POLR3GL: variants seen among roughly 807,000 people sequenced by gnomAD.
POLR3GL encodes DNA-directed RNA polymerase III subunit RPC7-like.
A neutral mutation model predicts 32.4 loss-of-function variants in POLR3GL; 26 were observed. The observed-to-expected ratio is 0.80, with a 90% confidence interval of 0.59 to 1.11. The LOEUF (loss-of-function observed/expected upper bound fraction) is 1.11. Ranked by LOEUF, POLR3GL falls within the 50% of genes most tolerant of loss-of-function variation. The pLI is 0.00. For missense variants in POLR3GL, 229 were observed against 280.1 expected, an observed-to-expected ratio of 0.82 and a Z score of 1.30; for synonymous variants, 95 against 98.7, an observed-to-expected ratio of 0.96 and a Z score of 0.22.
intron 1 of POLR3GL, among the ~76,000 whole-genome samples, chr1:145,966,964 A>G (rs191782641): frequency 1.1e-3 from 166 of 152,214 alleles, no homozygotes; most frequent in African/African-American, 3.5e-3. Context: ...TCTTTGGAAT[A>G]TATTTTTAAA....
At chr1:145,972,320 C>T (rs1266332112) in intron 1 of POLR3GL, among the ~76,000 whole-genome samples, 1 of 149,616 alleles carries the variant, frequency 6.7e-6, no homozygotes, top group Non-Finnish European at 1.5e-5. Flanking sequence ...GTGGAGGTTG[C>T]AGCGAGCCGA....
intron 1 of POLR3GL, 100 bp from the exon 2 acceptor site, chr1:145,974,724 CT>C: frequency 1.2e-6 from 1 of 814,934 alleles, no homozygotes. Flanking sequence ...ATGACATTAA[CT>C]TTTCATGTCC....
chr1:145,970,875 C>CAAAAAAA (rs35524546), intron 1 of POLR3GL, among the ~76,000 whole-genome samples: 4 of 13,202 alleles, frequency 3.0e-4, no homozygotes, highest in African/African-American at 8.7e-4. Flanking sequence ...AACTCCATCT[C>CAAAAAAA]AAAAAAAAAA....
At chr1:145,971,415 G>T (rs1347082503) in intron 1 of POLR3GL, among the ~76,000 whole-genome samples, 1 of 152,100 alleles carries the variant, frequency 6.6e-6, no homozygotes, top group South Asian at 2.1e-4. Context: ...TACTGTTTTT[G>T]ATGACTGACA....
chr1:145,975,130 C>T (rs1209133173), intron 2 of POLR3GL, 139 bp downstream of exon 2: 5 of 1,320,358 alleles, frequency 3.8e-6, no homozygotes, highest in Admixed American at 5.4e-5. Context: ...GGATGTTTTG[C>T]AGGCAAAGAA....
intron 1 of POLR3GL, among the ~76,000 whole-genome samples, chr1:145,972,012 A>ATATATATATG (rs782186587): frequency 1.8e-5 from 2 of 112,606 alleles, no homozygotes; most frequent in African/African-American, 8.2e-5. Flanking sequence ...ATATATATAT[A>ATATATATATG]CGTGTGTGTG....
chr1:145,968,588 T>G (rs1650140417), intron 1 of POLR3GL, among the ~76,000 whole-genome samples: 1 of 151,974 alleles, frequency 6.6e-6, no homozygotes, highest in Non-Finnish European at 1.5e-5. Flanking sequence ...TTTTTTTTTT[T>G]TGAGACAGAG....
rs372610003 is a variant in POLR3GL, at chr1:145,975,340, G to A, written c.160G>A (p.Gly54Ser). Residue 54 changes from glycine to serine, a missense_variant, in exon 3 of 8, where the codon GGC (glycine) becomes AGC (serine). Coordinates refer to ENST00000369314, the MANE Select transcript of POLR3GL (RefSeq NM_032305.3). The stretch of plus-strand genomic sequence containing the variant: ...GTTCCGCCCAGTACCTTTGCCCTCA[G>A]GCGAGGAAGGGGAATATGTCCTGGC... ...LEFRPVPLPS[G>S]EEGEYVLALK... The A allele has an allele frequency of 1.2e-6, 2 of 1,614,182 alleles. No individual in the cohort carries two copies. The highest frequency in any genetic ancestry group is 1.1e-5 in the South Asian group (1 of 91,082).
At chr1:145,975,194 T>A in intron 2 of POLR3GL, 113 bp from the exon 3 acceptor site, 1 of 1,415,328 alleles carries the variant, frequency 7.1e-7, no homozygotes. Flanking sequence ...CTCCCTCGAT[T>A]GTCATTTGGC....
intron 6 of POLR3GL, 59 bp downstream of exon 6, chr1:145,977,910 GCCCATGTGTGC>G: frequency 6.2e-7 from 1 of 1,613,722 alleles, no homozygotes; most frequent in South Asian, 1.1e-5. Flanking sequence ...CTCTCTCTTG[GCCCATGTGTGC>G]CTCAATTTTT....
At chr1:145,974,004 C>A (rs1559255610) in intron 1 of POLR3GL, among the ~76,000 whole-genome samples, 1 of 147,558 alleles carries the variant, frequency 6.8e-6, no homozygotes, top group Non-Finnish European at 1.5e-5. Context: ...TGGTGGCACA[C>A]ACCTGTAGCT....
At chr1:145,968,879 CTTA>C (rs1320954425) in intron 1 of POLR3GL, among the ~76,000 whole-genome samples, 4 of 151,758 alleles carry the variant, frequency 2.6e-5, no homozygotes, top group African/African-American at 9.7e-5. Context: ...CCAACAAATT[CTTA>C]TTATTTCTCT....
At position 145,977,512 on chromosome 1, in the gene POLR3GL, AT is replaced by A; in HGVS notation, c.356del (p.Ile119ThrfsTer33). On this transcript the variant is annotated frameshift_variant, in exon 5 of 8. Coordinates refer to ENST00000369314, the MANE Select transcript of POLR3GL (RefSeq NM_032305.3). LOFTEE classifies it high-confidence loss of function. Reference protein sequence around the residue: ...DWRRLPRELKIRVRKLQKERI... With the variant: ...DWRRLPRELKXRVRKLQKERI... Reference sequence around the variant, plus strand: ...GCGGCGTCTACCCCGGGAGCTAAAGATCCGAGTGCGGAAGCTACAGAAGGAA... The same window carrying A: ...GCGGCGTCTACCCCGGGAGCTAAAGACCGAGTGCGGAAGCTACAGAAGGAA... 1 of 1,614,128 alleles carries A rather than the reference AT, an allele frequency of 6.2e-7. No homozygotes were observed. The highest frequency in any genetic ancestry group is 1.7e-4 in the Middle Eastern group (1 of 6,060).
chr1:145,975,586 T>A, intron 3 of POLR3GL, 150 bp downstream of exon 3: 1 of 830,052 alleles, frequency 1.2e-6, no homozygotes, highest in Non-Finnish European at 1.8e-6. Context: ...TGCATTATAG[T>A]ATTCATGGTT....
intron 1 of POLR3GL, among the ~76,000 whole-genome samples, chr1:145,971,517 G>A (rs1475849684): frequency 6.6e-6 from 1 of 152,132 alleles, no homozygotes; most frequent in Non-Finnish European, 1.5e-5. Context: ...TTTTTAGGAG[G>A]ATGATCACAG....
At chr1:145,977,628 C>G (rs1393944997) in intron 5 of POLR3GL, 89 bp downstream of exon 5, 4 of 1,366,874 alleles carry the variant, frequency 2.9e-6, no homozygotes, top group East Asian at 2.3e-5. Context: ...CCTTCCATCC[C>G]AGTTCCTATA....
Position 145,977,831 on chromosome 1 carries a change from G to A in POLR3GL, c.436G>A (p.Glu146Lys), listed in dbSNP as rs142191532. 1.9e-6 allele frequency: 3 copies of A among 1,614,008 alleles called. No homozygotes were observed. The highest frequency in any genetic ancestry group is 2.5e-6 in the Non-Finnish European group (3 of 1,179,898). Residue 146 changes from glutamate (E) to lysine (K), a missense_variant, in exon 6 of 8, where the codon GAA becomes AAA. By Grantham distance (56) the Glu-to-Lys change is moderately conservative (BLOSUM62 1). Transcript: ENST00000369314. ...RPPKTTEDKE[E>K]TIQKLETLEK... ...CCCTAAGACCACAGAAGATAAGGAG[G>A]AAACAATACAGAAACTAGAGGTGAG...
chr1:145,967,357 G>A (rs1358333250), intron 1 of POLR3GL, among the ~76,000 whole-genome samples: 1 of 151,962 alleles, frequency 6.6e-6, no homozygotes, highest in African/African-American at 2.4e-5. Flanking sequence ...TGTATTTTTA[G>A]TAGAGACAGG....
chr1:145,967,103 C>T (rs1234235262), intron 1 of POLR3GL, among the ~76,000 whole-genome samples: 2 of 151,870 alleles, frequency 1.3e-5, no homozygotes, highest in African/African-American at 4.8e-5. Context: ...TGAAAAAAAA[C>T]TCATGACAGC....
Sources: gnomAD v4.1 joint callset for allele counts (sites outside exome capture counted in the v4.1 genomes callset) on GRCh38, gnomAD v4.1.1 for gene constraint, MANE v1.5 for transcripts, NCBI Gene and HGNC (gene_info 2026-07-23, HGNC 2026-07-21) for gene names.